CELF2: variants seen among roughly 807,000 people sequenced by gnomAD.
CELF2 encodes CUGBP Elav-like family member 2, also known as CUG triplet repeat RNA-binding protein 2.
A neutral mutation model predicts 62.6 loss-of-function variants in CELF2; 8 were observed. That is an observed-to-expected ratio of 0.13 (90% confidence interval 0.07 to 0.23). The LOEUF (loss-of-function observed/expected upper bound fraction) is 0.23. Among genes scored for constraint, CELF2 ranks in the 10% least tolerant of loss-of-function variants. CELF2 has a pLI of 1.00. For synonymous variants in CELF2, 258 were observed against 250.0 expected (o/e 1.03, Z -0.30); for missense variants, 333 against 671.0 (o/e 0.50, Z 5.56).
intron 2 of CELF2, among the ~76,000 whole-genome samples, chr10:10,971,481 C>A (rs1308580763): frequency 6.6e-6 from 1 of 152,190 alleles, no homozygotes; most frequent in Non-Finnish European, 1.5e-5. Context: ...TCATGCTGCA[C>A]CCACCCTAGT....
intron 1 of CELF2, among the ~76,000 whole-genome samples, chr10:10,866,830 G>A (rs2060407433): frequency 6.8e-6 from 1 of 147,646 alleles, no homozygotes; most frequent in African/African-American, 2.5e-5. Context: ...TGAGGCAGGA[G>A]AATCGCTTGA....
At chr10:11,199,769 C>A (rs2058799705) in intron 2 of CELF2, among the ~76,000 whole-genome samples, 1 of 152,190 alleles carries the variant, frequency 6.6e-6, no homozygotes, top group African/African-American at 2.4e-5. Flanking sequence ...CTGTCCATTG[C>A]TTCTCTAAAG....
intron 2 of CELF2, among the ~76,000 whole-genome samples, chr10:10,952,414 T>C (rs1753314049): frequency 6.6e-6 from 1 of 152,040 alleles, no homozygotes; most frequent in Admixed American, 6.6e-5. Context: ...CTGGAGCCTC[T>C]TGAGGTGGAG....
chr10:11,163,453 C>G (rs960352807), intron 1 of CELF2, among the ~76,000 whole-genome samples: 1 of 152,208 alleles, frequency 6.6e-6, no homozygotes, highest in East Asian at 1.9e-4. Flanking sequence ...CTCCACCCCG[C>G]TACAGCCACA....
At chr10:11,101,794 G>A (rs1297638750) in intron 1 of CELF2, among the ~76,000 whole-genome samples, 3 of 152,046 alleles carry the variant, frequency 2.0e-5, no homozygotes, top group Non-Finnish European at 4.4e-5. Context: ...TCATCCTGTG[G>A]GAAATGTATC....
the CELF2 span, among the ~76,000 whole-genome samples, chr10:10,638,681 A>G: frequency 6.6e-6 from 1 of 152,216 alleles, no homozygotes; most frequent in Admixed American, 6.5e-5. Context: ...TATGAGGAGC[A>G]CAAGTCATTA....
intron 1 of CELF2, among the ~76,000 whole-genome samples, chr10:10,906,717 C>CTTTTTTTT (rs397846553): frequency 1.7e-4 from 19 of 109,278 alleles, no homozygotes; most frequent in East Asian, 5.4e-4. Context: ...TTTTTCTTTT[C>CTTTTTTTT]TTTTTTTTTT....
chr10:10,754,383 C>T, the CELF2 span, among the ~76,000 whole-genome samples: 2 of 152,168 alleles, frequency 1.3e-5, no homozygotes, highest in East Asian at 1.9e-4. Flanking sequence ...AACTTCCGGA[C>T]TTGAGCAGTC....
At chr10:10,720,119 G>A in the CELF2 span, among the ~76,000 whole-genome samples, 1 of 152,232 alleles carries the variant, frequency 6.6e-6, no homozygotes, top group East Asian at 1.9e-4. Flanking sequence ...GAACTGAGTT[G>A]TCGTCAGAAG....
the CELF2 span, among the ~76,000 whole-genome samples, chr10:10,689,802 C>T: frequency 1.3e-5 from 2 of 152,184 alleles, no homozygotes; most frequent in African/African-American, 4.8e-5. Flanking sequence ...CATTATGCAA[C>T]AAATTTAACG....
chr10:10,937,749 G>C (rs191271592), intron 2 of CELF2, among the ~76,000 whole-genome samples: 3 of 152,102 alleles, frequency 2.0e-5, no homozygotes, highest in Non-Finnish European at 4.4e-5. Context: ...AGTGTTATTT[G>C]TGTGAAGTAA....
the CELF2 span, among the ~76,000 whole-genome samples, chr10:10,744,287 A>G: frequency 6.6e-6 from 1 of 152,244 alleles, no homozygotes; most frequent in Non-Finnish European, 1.5e-5. Flanking sequence ...ATTCAAATGC[A>G]TATAATTTCA....
the CELF2 span, among the ~76,000 whole-genome samples, chr10:10,478,711 G>A: frequency 6.6e-6 from 1 of 152,184 alleles, no homozygotes; most frequent in Non-Finnish European, 1.5e-5. Flanking sequence ...ATGGTAAGAA[G>A]TCAGAAATTC....
chr10:10,945,266 G>A (rs374337120), intron 2 of CELF2, among the ~76,000 whole-genome samples: 8 of 152,276 alleles, frequency 5.3e-5, no homozygotes, highest in Admixed American at 2.6e-4. Context: ...TCCCTCCTTC[G>A]GCTTCATGCA....
At chr10:10,496,512 A>G in the CELF2 span, among the ~76,000 whole-genome samples, 1 of 152,158 alleles carries the variant, frequency 6.6e-6, no homozygotes, top group Non-Finnish European at 1.5e-5. Context: ...CTGGCATACA[A>G]TAGGTGCTTG....
chr10:11,201,633 G>C (rs892814840), intron 2 of CELF2, among the ~76,000 whole-genome samples: 10 of 152,194 alleles, frequency 6.6e-5, no homozygotes, highest in Non-Finnish European at 1.2e-4. Flanking sequence ...TGAGGAAGGA[G>C]AGGATGGACT....
intron 2 of CELF2, among the ~76,000 whole-genome samples, chr10:10,939,022 A>T (rs1006880785): frequency 2.0e-5 from 3 of 152,230 alleles, no homozygotes; most frequent in African/African-American, 4.8e-5. Flanking sequence ...GGATCTGCAG[A>T]CGACCTTCAG....
chr10:10,654,897 G>T, the CELF2 span, among the ~76,000 whole-genome samples: 21 of 149,222 alleles, frequency 1.4e-4, no homozygotes, highest in African/African-American at 4.9e-4. Context: ...GGAAATAAAG[G>T]GTATTCAATT....
the CELF2 span, among the ~76,000 whole-genome samples, chr10:10,746,367 C>T: frequency 1.3e-5 from 2 of 152,138 alleles, no homozygotes; most frequent in African/African-American, 2.4e-5. Context: ...CGTTTGCTTA[C>T]AGAGAATGTA....
Sources: gnomAD v4.1 joint callset for allele counts (sites outside exome capture counted in the v4.1 genomes callset) on GRCh38, gnomAD v4.1.1 for gene constraint, MANE v1.5 for transcripts, NCBI Gene and HGNC (gene_info 2026-07-23, HGNC 2026-07-21) for gene names.